JARID2: variants seen among roughly 807,000 people sequenced by gnomAD.
JARID2 encodes protein Jumonji.
In JARID2, 21 loss-of-function variants were observed where a neutral mutation model predicts 125.6. The ratio of observed to expected loss-of-function variants is 0.17; its 90% CI spans 0.12 to 0.24. JARID2 has a LOEUF of 0.24. JARID2 is among the 10% of genes least tolerant of loss of function. The pLI is 1.00. For missense variants in JARID2, 1,303 were observed against 1,639.6 expected, an observed-to-expected ratio of 0.79 and a Z score of 3.55; for synonymous variants, 736 against 661.6, an observed-to-expected ratio of 1.11 and a Z score of -1.73.
At chr6:15,447,450 T>A (rs1767723240) in intron 3 of JARID2, among the ~76,000 whole-genome samples, 1 of 152,192 alleles carries the variant, frequency 6.6e-6, no homozygotes, top group Admixed American at 6.5e-5. Flanking sequence ...ACACACACCT[T>A]CTCTGGGGCT....
At chr6:15,248,637 C>G (rs1158847209) in intron 1 of JARID2, 1 of 152,052 alleles carries the variant, frequency 6.6e-6, no homozygotes, top group Non-Finnish European at 1.5e-5. Context: ...CTCTCCGCCC[C>G]CCGGTTCTTC....
intron 1 of JARID2, among the ~76,000 whole-genome samples, chr6:15,270,470 A>G (rs866366496): frequency 3.3e-5 from 5 of 151,986 alleles, no homozygotes; most frequent in African/African-American, 9.7e-5. Flanking sequence ...ATTTGATCCT[A>G]TTGGTTAGGT....
At chr6:15,500,834 A>T in intron 7 of JARID2, 73 bp from the exon 8 acceptor site, 1 of 1,313,978 alleles carries the variant, frequency 7.6e-7, no homozygotes, top group Non-Finnish European at 1.1e-6. Flanking sequence ...CAAGAAGTAC[A>T]GGTTGAATGA....
Position 15,501,088 on chromosome 6 carries a change from C to T in JARID2, c.2127C>T (p.Asp709=). ...EAYCQYLLSY[D]SLSPEEHRRL... is the part of the protein sequence containing the mutation. Reference sequence around the variant, plus strand: ...ACTGCCAGTACCTACTCTCCTACGACTCCCTGTCCCCAGAGGAGCACCGGC... The same window carrying T: ...ACTGCCAGTACCTACTCTCCTACGATTCCCTGTCCCCAGAGGAGCACCGGC... The change falls in exon 8 of 18, where the codon GAC becomes GAT. Residue 709 remains aspartate (D), a synonymous_variant. Coordinates refer to ENST00000341776, the MANE Select transcript of JARID2 (RefSeq NM_004973.4). 6.2e-7 allele frequency: 1 copy of T among 1,614,084 alleles called. No individual in the cohort carries two copies. Among genetic ancestry groups the T allele is most frequent in the Non-Finnish European group, 8.5e-7 (1 of 1,179,936 alleles).
At chr6:15,249,051 G>A in intron 1 of JARID2, 1 of 673,722 alleles carries the variant, frequency 1.5e-6, no homozygotes, top group Non-Finnish European at 1.8e-6. Flanking sequence ...CGGGGAGGAG[G>A]CGCCTCCTTT....
At chr6:15,441,318 T>A (rs1000841265) in intron 3 of JARID2, among the ~76,000 whole-genome samples, 8 of 152,142 alleles carry the variant, frequency 5.3e-5, no homozygotes, top group Non-Finnish European at 1.5e-5. Flanking sequence ...AGTGGCTGGG[T>A]TCTTAACTGG....
intron 3 of JARID2, among the ~76,000 whole-genome samples, chr6:15,444,205 G>A (rs1417329995): frequency 4.6e-5 from 7 of 152,156 alleles, no homozygotes; most frequent in Non-Finnish European, 8.8e-5. Context: ...GTCATTGTGT[G>A]ATGCCCTCCC....
intron 6 of JARID2, 126 bp downstream of exon 6, chr6:15,487,668 A>G (rs1769945913): frequency 3.6e-6 from 3 of 832,524 alleles, no homozygotes; most frequent in Non-Finnish European, 5.6e-6. Context: ...CAAGACAGGG[A>G]CAGACAGAGC....
chr6:15,415,833 C>A (rs1766163537), intron 3 of JARID2, among the ~76,000 whole-genome samples: 1 of 144,448 alleles, frequency 6.9e-6, no homozygotes. Flanking sequence ...GACCCCCCCA[C>A]CTCCCTCCCG....
intron 3 of JARID2, among the ~76,000 whole-genome samples, chr6:15,436,698 T>C (rs1371942482): frequency 6.6e-6 from 1 of 152,116 alleles, no homozygotes; most frequent in African/African-American, 2.4e-5. Context: ...CACTCCTGTA[T>C]CACTTGTTGC....
At chr6:15,278,478 C>T (rs1023507482) in intron 1 of JARID2, among the ~76,000 whole-genome samples, 39 of 151,258 alleles carry the variant, frequency 2.6e-4, no homozygotes, top group African/African-American at 9.2e-4. Context: ...CCCAGCTACT[C>T]GGGAAGCTGA....
At chr6:15,300,385 G>A (rs1761562889) in intron 1 of JARID2, among the ~76,000 whole-genome samples, 2 of 152,188 alleles carry the variant, frequency 1.3e-5, no homozygotes, top group Admixed American at 1.3e-4. Flanking sequence ...TCATTCCCCT[G>A]CAATTGGATA....
intron 1 of JARID2, among the ~76,000 whole-genome samples, chr6:15,283,363 T>TG (rs1760855611): frequency 7.1e-6 from 1 of 140,846 alleles, no homozygotes; most frequent in Non-Finnish European, 1.5e-5. Context: ...TTTTTTGAGA[T>TG]GGAGTCTCAC....
chr6:15,463,189 G>C lies in JARID2; in HGVS notation c.494-5353G>C, dbSNP rs868210684. Among the ~76,000 whole-genome samples the C allele has an allele frequency of 7.9e-5, 12 of 152,108 alleles. 1 individual carries two copies. In the Middle Eastern group the frequency reaches 0.014, roughly 172 times the overall value. Reference sequence around the variant, plus strand: ...TACTTTTATAATGACCACCCATAAAGTCTTCCCCTGCTCCCCCTGAAAAAA... The same window carrying C: ...TACTTTTATAATGACCACCCATAAACTCTTCCCCTGCTCCCCCTGAAAAAA... On this transcript the variant is annotated intron_variant, in intron 4 of 17. Coordinates refer to ENST00000341776, the MANE Select transcript of JARID2 (RefSeq NM_004973.4).
chr6:15,271,195 C>T (rs775957047), intron 1 of JARID2, among the ~76,000 whole-genome samples: 19 of 152,106 alleles, frequency 1.2e-4, no homozygotes, highest in Non-Finnish European at 2.8e-4. Context: ...TAGGGAGGGA[C>T]ATGTGTAGGG....
rs575046171 is a variant in JARID2, at chr6:15,463,562, C to T, written c.494-4980C>T. 5.9e-5 allele frequency among the ~76,000 whole-genome samples: 9 copies of T among 151,960 alleles called. No individual in the cohort carries two copies. In the East Asian group the frequency reaches 1.7e-3, roughly 29 times the overall value. On this transcript the variant is annotated intron_variant, in intron 4 of 17. Coordinates refer to ENST00000341776, the MANE Select transcript of JARID2 (RefSeq NM_004973.4). ...TCTCCTGCTTCAGCCTCCCTAGTAG[C>T]TGGGATTACAGGCATCTGTCACCAT...
In JARID2 at chr6:15,271,482, C is replaced by A. The variant is rs144851894; in HGVS notation, c.45+24898C>A. ...CGAAGGGTAGGGTTCCCAATAAGAT[C>A]TCTGCTACCAACAGAAGTTTGAAAA... On this transcript the variant is annotated intron_variant, in intron 1 of 17. Transcript: ENST00000341776. Among the ~76,000 whole-genome samples the A allele has an allele frequency of 2.3e-3, 356 of 152,326 alleles. 1 individual carries two copies. Among genetic ancestry groups the A allele is most frequent in the Admixed American group, 4.2e-3 (64 of 15,306 alleles).
At chr6:15,327,571 A>G (rs1004027797) in intron 1 of JARID2, among the ~76,000 whole-genome samples, 1 of 151,448 alleles carries the variant, frequency 6.6e-6, no homozygotes, top group Non-Finnish European at 1.5e-5. Flanking sequence ...GTGCGTGTGC[A>G]TGTGCGTGCA....
intron 1 of JARID2, among the ~76,000 whole-genome samples, chr6:15,344,144 G>A (rs546631014): frequency 7.3e-6 from 1 of 137,736 alleles, no homozygotes; most frequent in Non-Finnish European, 1.5e-5. Flanking sequence ...AATTTCCAAG[G>A]GTGGCTGTGA....
Sources: allele counts gnomAD v4.1 joint callset (sites outside exome capture counted in the v4.1 genomes callset), GRCh38; gene constraint gnomAD v4.1.1; transcripts MANE v1.5; gene names NCBI Gene and HGNC (gene_info 2026-07-23, HGNC 2026-07-21).